BOP1: variants seen among roughly 807,000 people sequenced by gnomAD.
The protein encoded by BOP1 is ribosome biogenesis protein BOP1.
A neutral mutation model predicts 82.9 loss-of-function variants in BOP1; 54 were observed. The observed-to-expected ratio is 0.65, with a 90% CI of 0.52 to 0.82. The LOEUF is 0.82. BOP1 is among the 40% of genes least tolerant of loss of function. The pLI, the probability that BOP1 is intolerant of heterozygous loss-of-function variation, is 0.00. For synonymous variants in BOP1, 566 were observed against 451.1 expected, an observed-to-expected ratio of 1.25 and a Z score of -3.23; for missense variants, 1,170 against 1,072.0, an observed-to-expected ratio of 1.09 and a Z score of -1.28.
At chr8:144,278,884 G>C (rs184573752) in intron 2 of BOP1, among the ~76,000 whole-genome samples, 3 of 152,332 alleles carry the variant, frequency 2.0e-5, no homozygotes, top group African/African-American at 7.2e-5. Context: ...TTGTTTTAAA[G>C]AAAGTACATC....
chr8:144,285,125 T>A (rs545742448), intron 2 of BOP1, among the ~76,000 whole-genome samples: 13 of 152,302 alleles, frequency 8.5e-5, no homozygotes, highest in African/African-American at 3.1e-4. Context: ...ATGGCAGAGA[T>A]GAACAAAAGC....
At position 144,263,925 on chromosome 8, in the gene BOP1, G is replaced by A; in HGVS notation, c.1141-14C>T. 1 of 1,611,302 alleles carries A rather than the reference G, an allele frequency of 6.2e-7. No individual in the cohort carries two copies. Among genetic ancestry groups the A allele is most frequent in the Non-Finnish European group, 8.5e-7 (1 of 1,179,254 alleles). On this transcript the variant is annotated splice_polypyrimidine_tract_variant and intron_variant, in intron 8 of 15. Coordinates refer to ENST00000569669, the MANE Select transcript of BOP1 (RefSeq NM_015201.5). ...GTCTACATTCACCTGGGGCAGGAGAGCGCCAGGTCAGCCTTGCCCCCTGTG... is the reference window on the plus strand; with the variant it reads ...GTCTACATTCACCTGGGGCAGGAGAACGCCAGGTCAGCCTTGCCCCCTGTG...
chr8:144,267,272 G>T, intron 3 of BOP1: 1 of 1,382,364 alleles, frequency 7.2e-7, no homozygotes, highest in Non-Finnish European at 9.3e-7. Flanking sequence ...ACACGGGCAG[G>T]GCTCCCCAAC....
At chr8:144,278,070 C>T (rs1228960385) in intron 2 of BOP1, among the ~76,000 whole-genome samples, 12 of 152,228 alleles carry the variant, frequency 7.9e-5, no homozygotes, top group Admixed American at 5.9e-4. Context: ...CAGCACCACC[C>T]GCAGTGTGCG....
chr8:144,278,841 G>A (rs112450933), intron 2 of BOP1, among the ~76,000 whole-genome samples: 56 of 152,320 alleles, frequency 3.7e-4, no homozygotes, highest in Non-Finnish European at 6.8e-4. Context: ...TGACAGCAAC[G>A]ACTCATCAAC....
At chr8:144,280,385 G>A (rs587648222) in intron 2 of BOP1, among the ~76,000 whole-genome samples, 2 of 152,334 alleles carry the variant, frequency 1.3e-5, no homozygotes, top group Admixed American at 6.5e-5. Context: ...TCCAGCAGAC[G>A]GCACCAGCAC....
At chr8:144,274,747 C>G (rs1845543304) in intron 3 of BOP1, among the ~76,000 whole-genome samples, 1 of 152,244 alleles carries the variant, frequency 6.6e-6, no homozygotes, top group Non-Finnish European at 1.5e-5. Context: ...GGCGGTGGCA[C>G]TGGACAGGCC....
chr8:144,267,188 C>T, intron 3 of BOP1: 3 of 1,518,292 alleles, frequency 2.0e-6, no homozygotes, highest in South Asian at 2.4e-5. Flanking sequence ...TTGGTGAGCA[C>T]GGGCCGTGGG....
At chr8:144,263,426 C>A in intron 11 of BOP1, 25 bp from the exon 12 acceptor site, 2 of 1,597,836 alleles carry the variant, frequency 1.3e-6, no homozygotes, top group Non-Finnish European at 1.7e-6. Flanking sequence ...CAGACACGGC[C>A]CCTAAGCACA....
chr8:144,263,187 C>CT (rs1483188328), intron 12 of BOP1, 34 bp downstream of exon 12: 7 of 1,592,292 alleles, frequency 4.4e-6, no homozygotes, highest in African/African-American at 1.3e-5. Flanking sequence ...GGGCCCCTCC[C>CT]GCTGCAGCCT....
Position 144,264,301 on chromosome 8 carries a change from G to A in BOP1, c.902C>T (p.Pro301Leu). ...AVLGRHKMHVPAPKLALPGHA... is the reference protein window; with the variant it reads ...AVLGRHKMHVLAPKLALPGHA... The stretch of plus-strand genomic sequence containing the variant: ...GCCTGGCAGGGCCAGCTTGGGAGCA[G>A]GTACGTGCATCTTGTGGCGCCCGAG... The change falls in exon 7 of 16, where the codon CCT (proline) becomes CTT (leucine). Residue 301 changes from proline (P) to leucine (L), a missense_variant. Physicochemically the swap from Pro to Leu is moderately conservative, Grantham distance 98 (BLOSUM62 -3). Coordinates refer to ENST00000569669, the MANE Select transcript of BOP1 (RefSeq NM_015201.5). 6.2e-7 allele frequency: 1 copy of A among 1,611,156 alleles called. No individual in the cohort carries two copies. The highest frequency in any genetic ancestry group is 8.5e-7 in the Non-Finnish European group (1 of 1,179,612).
At chr8:144,270,745 C>T (rs933890640) in intron 3 of BOP1, among the ~76,000 whole-genome samples, 1 of 152,158 alleles carries the variant, frequency 6.6e-6, no homozygotes, top group African/African-American at 2.4e-5. Context: ...GCTCCCTGCC[C>T]ACCACAGCCC....
Position 144,264,261 on chromosome 8 carries a change from G to A in BOP1, c.942C>T (p.Tyr314=). The part of the protein sequence containing the change: ...KLALPGHAES[Y]NPPPEYLLSE... ...TGAGCAGGTATTCAGGGGGTGGGTT[G>A]TACGACTCGGCGTGGCCTGGCAGGG... Residue 314 remains tyrosine, a synonymous_variant, in exon 7 of 16, where the codon TAC becomes TAT. Coordinates refer to ENST00000569669, the MANE Select transcript of BOP1 (RefSeq NM_015201.5). 1 of 1,610,836 alleles carries A rather than the reference G, an allele frequency of 6.2e-7. No homozygotes were observed. The highest frequency in any genetic ancestry group is 8.5e-7 in the Non-Finnish European group (1 of 1,179,416).
At chr8:144,263,434 A>T in intron 11 of BOP1, 33 bp from the exon 12 acceptor site, 1 of 1,597,812 alleles carries the variant, frequency 6.3e-7, no homozygotes, top group Non-Finnish European at 8.5e-7. Context: ...GCCCCTAAGC[A>T]CAGTGCCACC....
intron 3 of BOP1, among the ~76,000 whole-genome samples, chr8:144,272,715 A>G (rs1004477208): frequency 6.6e-6 from 1 of 152,062 alleles, no homozygotes; most frequent in Non-Finnish European, 1.5e-5. Flanking sequence ...GCCACTGCCC[A>G]GCCCTGCTTC....
At position 144,262,287 on chromosome 8, in the gene BOP1, G is replaced by C. The variant is rs1425053578; in HGVS notation, c.2118C>G (p.Pro706=). Residue 706 remains proline (P), a synonymous_variant, in exon 16 of 16, where the codon CCC becomes CCG. Transcript: ENST00000569669. ...GCACGTGTCCCTTCAGCACCTTGAC[G>C]GGCACCAGCAAGGGGTTCTGCAGAA... is the stretch of plus-strand genomic sequence containing the variant. ...NDLLQNPLLV[P]VKVLKGHVLT... is the part of the protein sequence containing the mutation. The C allele has an allele frequency of 2.5e-6, 4 of 1,612,708 alleles. No individual in the cohort carries two copies. The highest frequency in any genetic ancestry group is 3.4e-6 in the Non-Finnish European group (4 of 1,179,820).
chr8:144,262,087 T>TGGGAGCACCAGGCAGCACA lies in BOP1; in HGVS notation c.*58_*76dup. The stretch of plus-strand genomic sequence containing the variant: ...TGTTGGCAACCCCAATTCAAGAAGG[T>TGGGAGCACCAGGCAGCACA]GGGAGCACCAGGCAGCACAGGGTAA... On this transcript the variant is annotated 3_prime_UTR_variant, in exon 16 of 16. Transcript: ENST00000569669. The TGGGAGCACCAGGCAGCACA allele has an allele frequency of 6.3e-7, 1 of 1,597,762 alleles. No homozygotes were observed. The highest frequency in any genetic ancestry group is 8.5e-7 in the Non-Finnish European group (1 of 1,172,006).
intron 3 of BOP1, among the ~76,000 whole-genome samples, chr8:144,273,742 G>T (rs953496322): frequency 1.3e-5 from 2 of 152,218 alleles, no homozygotes; most frequent in Non-Finnish European, 2.9e-5. Flanking sequence ...GGTGGGAGAG[G>T]GGTGAGGTGG....
chr8:144,271,266 T>C (rs918431354), intron 3 of BOP1, among the ~76,000 whole-genome samples: 10 of 151,736 alleles, frequency 6.6e-5, no homozygotes, highest in African/African-American at 2.2e-4. Flanking sequence ...TGGCTGCAGC[T>C]GTCAGGACCA....
Sources: allele counts gnomAD v4.1 joint callset (sites outside exome capture counted in the v4.1 genomes callset), GRCh38; gene constraint gnomAD v4.1.1; transcripts MANE v1.5; gene names NCBI Gene and HGNC (gene_info 2026-07-23, HGNC 2026-07-21).